Variants in DHX29 observed in about 807,000 individuals in gnomAD.
DHX29 encodes DExH-box helicase 29.
Under a neutral mutation model 167.9 loss-of-function variants are expected in DHX29, and 79 were observed. That is an observed-to-expected ratio of 0.47 (90% CI 0.39 to 0.57). The LOEUF (loss-of-function observed/expected upper bound fraction) is 0.57. Ranked by LOEUF, DHX29 falls within the 20% of genes least tolerant of loss-of-function variation. The pLI is 0.00. For synonymous variants in DHX29, 530 were observed against 546.0 expected, an observed-to-expected ratio of 0.97 and a Z score of 0.41; for missense variants, 1,347 against 1,593.4, an observed-to-expected ratio of 0.85 and a Z score of 2.63.
At position 55,290,240 on chromosome 5, in the gene DHX29, T is replaced by C. The variant is rs1554026049; in HGVS notation, c.885A>G (p.Glu295=). The C allele has an allele frequency of 6.2e-7, 1 of 1,609,868 alleles. No individual in the cohort carries two copies. The highest frequency in any genetic ancestry group is 8.5e-7 in the Non-Finnish European group (1 of 1,179,400). The change falls in exon 7 of 27, where the codon GAA becomes GAG. Residue 295 remains glutamate (E), a synonymous_variant. Coordinates refer to ENST00000251636, the MANE Select transcript of DHX29 (RefSeq NM_019030.4). ...TACCTCTTTGAAATTTCCTTATTTT[T>C]TCCTGAGCCTCTTTTTGGCCTTGCT... The part of the protein sequence containing the change: ...KNKQGQKEAQ[E]KIRKFQREME...
At chr5:55,283,092 CA>C (rs1387142915) in intron 11 of DHX29, 110 bp downstream of exon 11, 7 of 1,191,984 alleles carry the variant, frequency 5.9e-6, no homozygotes, top group Middle Eastern at 2.3e-4. Context: ...TGCTACTGAT[CA>C]ACCAATAGCA....
Position 55,307,439 on chromosome 5 carries a change from C to G in DHX29, c.135G>C (p.Pro45=), listed in dbSNP as rs368005814. 2.5e-5 allele frequency: 40 copies of G among 1,612,888 alleles called. No individual in the cohort carries two copies. The highest frequency in any genetic ancestry group is 2.9e-5 in the Non-Finnish European group (34 of 1,179,842). Residue 45 remains proline (P), a synonymous_variant, in exon 1 of 27, where the codon CCG becomes CCC. Transcript: ENST00000251636. ...CGGCAGCGGCAGCGGCAGCGGTGGCCGGCCTGGACACTGGCTTCTTGCTTT... is the reference window on the plus strand; with the variant it reads ...CGGCAGCGGCAGCGGCAGCGGTGGCGGGCCTGGACACTGGCTTCTTGCTTT... ...EAQSKKPVSR[P]ATAAAAAAGS...
At chr5:55,301,295 G>C (rs563859229) in intron 1 of DHX29, among the ~76,000 whole-genome samples, 1 of 152,256 alleles carries the variant, frequency 6.6e-6, no homozygotes, top group East Asian at 1.9e-4. Flanking sequence ...GAGAAAATGA[G>C]CGTGAAAAAT....
In DHX29 at chr5:55,272,116, T is replaced by G; in HGVS notation, c.2835A>C (p.Val945=). 1 of 1,583,030 alleles carries G rather than the reference T, an allele frequency of 6.3e-7. No individual in the cohort carries two copies. The highest frequency in any genetic ancestry group is 8.6e-7 in the Non-Finnish European group (1 of 1,166,462). Residue 945 remains valine, a synonymous_variant, in exon 18 of 27, where the codon GTA becomes GTC. Transcript: ENST00000251636. Reference sequence around the variant, plus strand: ...TTTCTTTTGTTCTTCCAGTATCAATTACAAATACAACATCAGGAATAGTGA... The same window carrying G: ...TTTCTTTTGTTCTTCCAGTATCAATGACAAATACAACATCAGGAATAGTGA... ...TGITIPDVVF[V]IDTGRTKENK...
intron 1 of DHX29, among the ~76,000 whole-genome samples, chr5:55,302,592 CA>C (rs3990285): frequency 0.22 from 15,054 of 68,316 alleles, 662 homozygotes; most frequent in East Asian, 0.37. Context: ...GTGACCCTAT[CA>C]AAAAAAAAAA....
intron 21 of DHX29, among the ~76,000 whole-genome samples, chr5:55,268,040 TGTTTC>T (rs1399312639): frequency 6.6e-6 from 1 of 152,210 alleles, no homozygotes; most frequent in Non-Finnish European, 1.5e-5. Flanking sequence ...AGTTATTTTT[TGTTTC>T]ATTTTAAGGA....
intron 23 of DHX29, among the ~76,000 whole-genome samples, chr5:55,264,217 T>C (rs139340888): frequency 6.6e-6 from 1 of 152,282 alleles, no homozygotes; most frequent in Non-Finnish European, 1.5e-5. Flanking sequence ...ACAGTATTTG[T>C]GGGGGAGCCC....
rs1017432163 is a variant in DHX29, at chr5:55,269,456, T to C, written c.3251A>G (p.Lys1084Arg). The change falls in exon 21 of 27, where the codon AAG (lysine) becomes AGG (arginine). Residue 1084 changes from lysine (K) to arginine (R), a missense_variant. Lys to Arg is a conservative substitution (Grantham distance 26, BLOSUM62 2). Around this residue, in one of 3 missense-constraint regions of DHX29, gnomAD observed 882 missense variants for 1,082.4 expected, o/e 0.81. Transcript: ENST00000251636. ...AAATATGGCACCAAAAATAAGCATC[T>C]TGCCAATCTTGACATTCACAGGTAA... The part of the protein sequence containing the change: ...AALPVNVKIG[K>R]MLIFGAIFGC... The C allele has an allele frequency of 6.8e-6, 11 of 1,613,476 alleles. No individual in the cohort carries two copies. The African/African-American group carries it at 1.5e-4, about 22-fold the overall frequency.
chr5:55,294,630 G>C (rs552962907), intron 5 of DHX29, among the ~76,000 whole-genome samples: 2 of 152,302 alleles, frequency 1.3e-5, no homozygotes, highest in East Asian at 3.9e-4. Context: ...AGCCGAGTGA[G>C]TGCAGTGCCA....
At chr5:55,285,253 C>T in intron 10 of DHX29, 40 bp downstream of exon 10, 1 of 1,596,144 alleles carries the variant, frequency 6.3e-7, no homozygotes, top group South Asian at 1.1e-5. Flanking sequence ...TTAAATACTG[C>T]CTTCCACATA....
chr5:55,265,275 A>G (rs1746501831), intron 23 of DHX29, among the ~76,000 whole-genome samples: 1 of 151,826 alleles, frequency 6.6e-6, no homozygotes, highest in African/African-American at 2.4e-5. Context: ...ACAGCATTAC[A>G]TGAAAAGCCA....
chr5:55,300,919 G>A (rs1409180855), intron 1 of DHX29, among the ~76,000 whole-genome samples: 1 of 152,080 alleles, frequency 6.6e-6, no homozygotes, highest in Non-Finnish European at 1.5e-5. Context: ...CCAAGATTAG[G>A]GTACCAGCAA....
At chr5:55,265,056 G>A (rs1746487807) in intron 23 of DHX29, among the ~76,000 whole-genome samples, 1 of 144,360 alleles carries the variant, frequency 6.9e-6, no homozygotes, top group Non-Finnish European at 1.5e-5. Context: ...ATATCTTAAT[G>A]TTACAAAAAG....
At chr5:55,294,591 C>T (rs181149260) in intron 5 of DHX29, among the ~76,000 whole-genome samples, 16 of 152,264 alleles carry the variant, frequency 1.1e-4, no homozygotes, top group South Asian at 4.1e-4. Context: ...AGGAGAATGG[C>T]GTGAAGCCAG....
chr5:55,266,893 G>T (rs1462092205), intron 23 of DHX29, among the ~76,000 whole-genome samples: 1 of 152,160 alleles, frequency 6.6e-6, no homozygotes, highest in Non-Finnish European at 1.5e-5. Context: ...GGGATTACAG[G>T]AATGAGCCAG....
At chr5:55,283,155 G>A (rs1248900083) in intron 11 of DHX29, 48 bp downstream of exon 11, 5 of 1,533,026 alleles carry the variant, frequency 3.3e-6, no homozygotes, top group Non-Finnish European at 4.4e-6. Context: ...AAGCAAAGGT[G>A]AGTAATGTCA....
chr5:55,290,373 G>GAA, intron 6 of DHX29, 29 bp from the exon 7 acceptor site: 2 of 1,508,320 alleles, frequency 1.3e-6, no homozygotes, highest in South Asian at 1.3e-5. Context: ...TGAGGAGGGG[G>GAA]AAAAAAAAAG....
chr5:55,257,095 A>G (rs1746091937), intron 26 of DHX29, among the ~76,000 whole-genome samples: 1 of 152,340 alleles, frequency 6.6e-6, no homozygotes, highest in Middle Eastern at 3.4e-3. Flanking sequence ...TACACAACAA[A>G]GGAATCAAAT....
At chr5:55,294,207 G>A (rs1748192689) in intron 5 of DHX29, 62 bp from the exon 6 acceptor site, 1 of 1,461,468 alleles carries the variant, frequency 6.8e-7, no homozygotes, top group Non-Finnish European at 9.2e-7. Flanking sequence ...AAACTATCTT[G>A]TCACTGCTTT....
Sources: allele counts gnomAD v4.1 joint callset (sites outside exome capture counted in the v4.1 genomes callset), GRCh38; gene constraint gnomAD v4.1.1; regional missense constraint gnomAD v4.1.1; transcripts MANE v1.5; gene names NCBI Gene and HGNC (gene_info 2026-07-23, HGNC 2026-07-21).